The following HIVEP3 variants were observed in gnomAD, a reference collection of about 807,000 sequenced individuals.
HIVEP3 encodes the protein HIVEP zinc finger 3.
HIVEP3 carries 49 observed loss-of-function variants against 152.8 expected under a neutral mutation model. The ratio of observed to expected loss-of-function variants is 0.32; its 90% CI spans 0.26 to 0.41. The LOEUF (loss-of-function observed/expected upper bound fraction) is 0.41, where lower values mean the gene tolerates loss of function less well. HIVEP3 is among the 10% of genes least tolerant of loss of function. The pLI, the probability that HIVEP3 is intolerant of heterozygous loss-of-function variation, is 1.00. For synonymous variants in HIVEP3, 1,269 were observed against 1,289.0 expected (o/e 0.98, Z 0.33); for missense variants, 2,790 against 3,103.3 (o/e 0.90, Z 2.40).
intron 1 of HIVEP3, among the ~76,000 whole-genome samples, chr1:41,722,383 C>A (rs1345449784): frequency 2.0e-5 from 3 of 146,948 alleles, no homozygotes; most frequent in Non-Finnish European, 4.5e-5. Flanking sequence ...ACCTGGAGAT[C>A]AGCAAAATAA....
At chr1:41,572,332 T>A (rs1167520398) in intron 5 of HIVEP3, among the ~76,000 whole-genome samples, 1 of 151,912 alleles carries the variant, frequency 6.6e-6, no homozygotes, top group East Asian at 1.9e-4. Flanking sequence ...AGGAAGTGAG[T>A]CTCACTGATC....
At chr1:41,657,893 C>T (rs935450033) in intron 2 of HIVEP3, among the ~76,000 whole-genome samples, 1 of 152,214 alleles carries the variant, frequency 6.6e-6, no homozygotes, top group Non-Finnish European at 1.5e-5. Context: ...GATGGAAGGC[C>T]TGCCTGACTT....
rs1345192306 is a variant in HIVEP3 at position 41,628,911 on chromosome 1, G to A, written c.-684C>T. The A allele has an allele frequency of 2.4e-6, 3 of 1,231,362 alleles. No homozygotes were observed. The African/African-American group carries it at 4.7e-5, about 19-fold the overall frequency. The allele number at this position is 1,231,362 out of a possible 1,614,324, so 76.3% of individuals were successfully genotyped here. On this transcript the variant is annotated 5_prime_UTR_variant, in exon 3 of 9. Coordinates refer to ENST00000372583, the MANE Select transcript of HIVEP3 (RefSeq NM_024503.5). ...CCAGGACCCCGCGAGGCTCCTCCATGAACTAGGTTGAGGCTGCTGGGTTTG... is the reference window on the plus strand; with the variant it reads ...CCAGGACCCCGCGAGGCTCCTCCATAAACTAGGTTGAGGCTGCTGGGTTTG...
chr1:41,683,858 G>C (rs537812881), intron 2 of HIVEP3, among the ~76,000 whole-genome samples: 1 of 152,142 alleles, frequency 6.6e-6, no homozygotes, highest in African/African-American at 2.4e-5. Flanking sequence ...CCAGCACTTC[G>C]AGGTTCTTCC....
intron 1 of HIVEP3, among the ~76,000 whole-genome samples, chr1:41,788,167 C>T (rs1649476948): frequency 6.6e-6 from 1 of 152,164 alleles, no homozygotes; most frequent in Non-Finnish European, 1.5e-5. Flanking sequence ...CAAGGAGTGG[C>T]CACCCCCCGA....
chr1:41,654,173 T>C (rs2148636), intron 2 of HIVEP3, among the ~76,000 whole-genome samples: 84,635 of 151,978 alleles, frequency 0.56, 24,169 homozygotes, highest in East Asian at 0.97. Context: ...GAACTTTCAC[T>C]GAATACAAAG....
chr1:41,956,200 CTTT>C (rs1645139671), intron 1 of HIVEP3, among the ~76,000 whole-genome samples: 1 of 152,208 alleles, frequency 6.6e-6, no homozygotes, highest in Non-Finnish European at 1.5e-5. Flanking sequence ...GATTTTCACT[CTTT>C]AGCCCAAACT....
chr1:41,943,441 C>A (rs530809562), intron 1 of HIVEP3, among the ~76,000 whole-genome samples: 14 of 152,246 alleles, frequency 9.2e-5, no homozygotes, highest in African/African-American at 3.1e-4. Context: ...TCAAAACAAT[C>A]TGAAATACTC....
intron 1 of HIVEP3, among the ~76,000 whole-genome samples, chr1:41,861,010 A>AGGAGG (rs1333866084): frequency 2.6e-5 from 4 of 152,216 alleles, no homozygotes; most frequent in African/African-American, 9.6e-5. Context: ...ATCCCGAACT[A>AGGAGG]CGAGGGAGGA....
chr1:41,632,114 T>A (rs1481242259), intron 2 of HIVEP3, among the ~76,000 whole-genome samples: 1 of 152,206 alleles, frequency 6.6e-6, no homozygotes, highest in Non-Finnish European at 1.5e-5. Flanking sequence ...TCCACTGTGC[T>A]CAGCCACGGC....
At chr1:41,524,993 G>A in intron 5 of HIVEP3, 83 bp from the exon 6 acceptor site, 1 of 1,284,324 alleles carries the variant, frequency 7.8e-7, no homozygotes, top group African/African-American at 1.5e-5. Flanking sequence ...GCGCTTCCTA[G>A]ATTCATCCAG....
intron 5 of HIVEP3, among the ~76,000 whole-genome samples, chr1:41,545,612 CACCACT>C (rs1643766375): frequency 1.2e-4 from 16 of 138,218 alleles, no homozygotes; most frequent in African/African-American, 3.7e-4. Context: ...CCACCATCAC[CACCACT>C]ACCATCACCA....
chr1:41,792,555 T>C (rs919543513), intron 1 of HIVEP3, among the ~76,000 whole-genome samples: 2 of 152,122 alleles, frequency 1.3e-5, no homozygotes, highest in African/African-American at 4.8e-5. Flanking sequence ...GGAAAAACTC[T>C]TAGCTGCCAC....
At chr1:41,670,312 A>G (rs1645855297) in intron 2 of HIVEP3, among the ~76,000 whole-genome samples, 1 of 152,162 alleles carries the variant, frequency 6.6e-6, no homozygotes, top group Non-Finnish European at 1.5e-5. Context: ...AGGACCTAGA[A>G]GCAGTTCCAG....
intron 1 of HIVEP3, among the ~76,000 whole-genome samples, chr1:42,027,440 C>G (rs907310282): frequency 2.0e-5 from 3 of 152,168 alleles, no homozygotes; most frequent in African/African-American, 7.2e-5. Flanking sequence ...TGCTCAAAAT[C>G]TTCTAATAGC....
chr1:41,788,560 T>C (rs1019450099), intron 1 of HIVEP3, among the ~76,000 whole-genome samples: 1 of 152,224 alleles, frequency 6.6e-6, no homozygotes, highest in Non-Finnish European at 1.5e-5. Flanking sequence ...TGATGCACTC[T>C]GGGACCCGGG....
At chr1:41,739,990 C>T (rs1324578666) in intron 1 of HIVEP3, among the ~76,000 whole-genome samples, 1 of 152,222 alleles carries the variant, frequency 6.6e-6, no homozygotes, top group South Asian at 2.1e-4. Context: ...ACGGCATAAC[C>T]AGGAAGTTGT....
intron 1 of HIVEP3, among the ~76,000 whole-genome samples, chr1:41,836,095 C>A (rs1411293121): frequency 2.0e-5 from 3 of 152,192 alleles, no homozygotes; most frequent in Non-Finnish European, 4.4e-5. Flanking sequence ...AGCTTTCGTG[C>A]ATGTTTTGAG....
intron 1 of HIVEP3, among the ~76,000 whole-genome samples, chr1:41,964,885 A>T (rs1007157192): frequency 6.6e-6 from 1 of 152,264 alleles, no homozygotes; most frequent in Non-Finnish European, 1.5e-5. Flanking sequence ...CCCCAAGAGC[A>T]GTGCACCCGT....
Sources: allele counts gnomAD v4.1 joint callset (sites outside exome capture counted in the v4.1 genomes callset), GRCh38; gene constraint gnomAD v4.1.1; transcripts MANE v1.5; gene names NCBI Gene and HGNC (gene_info 2026-07-23, HGNC 2026-07-21).